Variants in FLACC1 observed in about 807,000 individuals in gnomAD.
The protein encoded by FLACC1 is flagellum associated containing coiled-coil domains 1.
Under a neutral mutation model 62.8 loss-of-function variants are expected in FLACC1, and 66 were observed. The ratio of observed to expected loss-of-function variants is 1.05; its 90% CI spans 0.86 to 1.29. FLACC1 has a LOEUF of 1.29. FLACC1 is among the 50% of genes most tolerant of loss of function. FLACC1 has a pLI of 0.00. For synonymous variants in FLACC1, 156 were observed against 161.0 expected (o/e 0.97, Z 0.24); for missense variants, 452 against 489.1 (o/e 0.92, Z 0.71).
At chr2:201,347,802 C>T (rs1391653698) in intron 4 of FLACC1, among the ~76,000 whole-genome samples, 4 of 152,238 alleles carry the variant, frequency 2.6e-5, no homozygotes, top group Non-Finnish European at 5.9e-5. Flanking sequence ...GTCGGGCCCA[C>T]ACTCCCAGGC....
rs915352107 is a variant in FLACC1 at position 201,288,677 on chromosome 2, C to T, written c.1247G>A (p.Ser416Asn). 5 of 1,613,410 alleles carry T rather than the reference C, an allele frequency of 3.1e-6. No homozygotes were observed. The highest frequency in any genetic ancestry group is 1.7e-5 in the Admixed American group (1 of 60,002). ...KDDSDTVQDG[S>N]KKGQES ...TGTTTATGATTCTTGTCCTTTCTTG[C>T]TACCATCTTGCACAGTGTCAGAATC... The change falls in exon 15 of 15, where the codon AGC becomes AAC. Residue 416 changes from serine (S) to asparagine (N), a missense_variant. Ser to Asn is a conservative substitution (Grantham distance 46). This residue lies in a region of FLACC1 where 301 missense variants were observed against 318.4 expected (regional missense o/e 0.95). Coordinates refer to ENST00000392257, the MANE Select transcript of FLACC1 (RefSeq NM_001127391.3).
At position 201,326,991 on chromosome 2, in the gene FLACC1, A is replaced by G. The variant is rs1327827978; in HGVS notation, c.675+3479T>C. On this transcript the variant is annotated intron_variant, in intron 9 of 14. Transcript: ENST00000392257. The surrounding 1 kb of genome is among the most constrained non-coding windows in gnomAD (Gnocchi z 4.1). ...AAAAGTAGGCACATAGGCCAAGGAA[A>G]CAGAACAGAAAACCCAGAAATGAAG... Among the ~76,000 whole-genome samples, 1 of 152,206 alleles carries G rather than the reference A, an allele frequency of 6.6e-6. No homozygotes were observed. Among genetic ancestry groups the G allele is most frequent in the Non-Finnish European group, 1.5e-5 (1 of 68,028 alleles).
At chr2:201,359,224 T>G (rs1190367719), upstream of FLACC1, among the ~76,000 whole-genome samples, 1 of 152,166 alleles carries the variant, frequency 6.6e-6, no homozygotes, top group Non-Finnish European at 1.5e-5. Context: ...GTGCCATTTA[T>G]TGAGATAGGA....
At chr2:201,333,545 ACCTCCCC>A (rs1950634086) in intron 7 of FLACC1, among the ~76,000 whole-genome samples, 1 of 123,194 alleles carries the variant, frequency 8.1e-6, no homozygotes, top group Non-Finnish European at 1.7e-5. Context: ...CAAATGCTAT[ACCTCCCC>A]CCTCCCCCCA....
At chr2:201,358,108 T>C (rs1951146697), upstream of FLACC1, among the ~76,000 whole-genome samples, 1 of 152,238 alleles carries the variant, frequency 6.6e-6, no homozygotes, top group South Asian at 2.1e-4. Context: ...TTCACATTTG[T>C]TGTCTACTGT....
chr2:201,309,905 C>CA (rs1161849891), intron 9 of FLACC1, among the ~76,000 whole-genome samples: 1,868 of 44,442 alleles, frequency 0.042, 112 homozygotes, highest in Non-Finnish European at 0.056. Flanking sequence ...GACTCTGTCT[C>CA]AAAAAAAAAA....
chr2:201,306,730 A>G (rs777366576), intron 11 of FLACC1, among the ~76,000 whole-genome samples: 1 of 152,250 alleles, frequency 6.6e-6, no homozygotes, highest in Non-Finnish European at 1.5e-5. Context: ...TATCATTAAT[A>G]AAATGAAGAG....
chr2:201,326,330 C>T lies in FLACC1; in HGVS notation c.675+4140G>A, dbSNP rs767446989. Reference sequence around the variant, plus strand: ...GGAAGTCCTAGCTAGAGCAATTAGACAGGAGAAAGAAATAAAGGGCGTCCA... The same window carrying T: ...GGAAGTCCTAGCTAGAGCAATTAGATAGGAGAAAGAAATAAAGGGCGTCCA... On this transcript the variant is annotated intron_variant, in intron 9 of 14. Transcript: ENST00000392257. This position sits in a 1 kb window ranked among gnomAD's most constrained non-coding sequence, Gnocchi z 4.1. 4.6e-5 allele frequency among the ~76,000 whole-genome samples: 7 copies of T among 152,096 alleles called. No homozygotes were observed. Among genetic ancestry groups the T allele is most frequent in the Non-Finnish European group, 1.0e-4 (7 of 68,010 alleles).
chr2:201,315,077 G>A (rs1405280358), intron 9 of FLACC1, among the ~76,000 whole-genome samples: 1 of 151,848 alleles, frequency 6.6e-6, no homozygotes. Flanking sequence ...CATCAAAACA[G>A]AACCTCTTTA....
chr2:201,362,974 T>C, the FLACC1 span, among the ~76,000 whole-genome samples: 1 of 152,170 alleles, frequency 6.6e-6, no homozygotes, highest in Non-Finnish European at 1.5e-5. Context: ...TCCTGTGTGA[T>C]GAGACTTGCA....
chr2:201,312,472 A>G (rs920872937), intron 9 of FLACC1, among the ~76,000 whole-genome samples: 1 of 152,240 alleles, frequency 6.6e-6, no homozygotes, highest in Admixed American at 6.5e-5. Flanking sequence ...AAGAGTCAAT[A>G]TCATTAAGAT....
chr2:201,322,928 CTT>C (rs929416449), intron 9 of FLACC1, among the ~76,000 whole-genome samples: 2 of 152,010 alleles, frequency 1.3e-5, no homozygotes, highest in Non-Finnish European at 2.9e-5. Context: ...GAAAGACACA[CTT>C]AGGGAATACA....
Position 201,357,227 on chromosome 2 carries a change from C to T in FLACC1, c.-293G>A, listed in dbSNP as rs1666308336. On this transcript the variant is annotated 5_prime_UTR_variant, in exon 1 of 15. In the 5' UTR this introduces an upstream ATG that the reference lacks. Transcript: ENST00000392257. ...GGCTTTTACAAAGGCTGGCCTGGCA[C>T]AAACATGAATTTCCCTTCTAAAGAC... The T allele has an allele frequency of 6.6e-6, 1 of 152,240 alleles. No individual in the cohort carries two copies. Among genetic ancestry groups the T allele is most frequent in the Admixed American group, 6.5e-5 (1 of 15,286 alleles). 9.4% of individuals were successfully genotyped at this position (152,240 alleles called of 1,614,324 possible).
chr2:201,306,739 A>T (rs1416110061), intron 11 of FLACC1, among the ~76,000 whole-genome samples: 1 of 152,222 alleles, frequency 6.6e-6, no homozygotes, highest in Non-Finnish European at 1.5e-5. Context: ...TAAAATGAAG[A>T]GGCAAACCAC....
intron 7 of FLACC1, among the ~76,000 whole-genome samples, chr2:201,340,487 T>A (rs907137598): frequency 6.6e-6 from 1 of 152,236 alleles, no homozygotes; most frequent in African/African-American, 2.4e-5. Flanking sequence ...CAAGTTTAGT[T>A]GCAAGCAATA....
rs1419278126 is a variant in FLACC1, at chr2:201,346,528, T to C, written c.368+14A>G. 1.2e-6 allele frequency: 2 copies of C among 1,613,092 alleles called. No individual in the cohort carries two copies. Among genetic ancestry groups the C allele is most frequent in the Admixed American group, 3.3e-5 (2 of 60,022 alleles). Reference sequence around the variant, plus strand: ...GTAGCCCCAAGCAGCTGCATGTTGCTGCAACAGCATTACCTGGAAAATCTG... The same window carrying C: ...GTAGCCCCAAGCAGCTGCATGTTGCCGCAACAGCATTACCTGGAAAATCTG... On this transcript the variant is annotated intron_variant, in intron 5 of 14. Coordinates refer to ENST00000392257, the MANE Select transcript of FLACC1 (RefSeq NM_001127391.3). The surrounding 1 kb of genome is among the most constrained non-coding windows in gnomAD (Gnocchi z 4.0).
chr2:201,360,588 C>A (rs1244341793), upstream of FLACC1, among the ~76,000 whole-genome samples: 3 of 152,194 alleles, frequency 2.0e-5, no homozygotes, highest in Non-Finnish European at 4.4e-5. Flanking sequence ...TGGCTTTCAA[C>A]ATCTGACTTT....
Position 201,346,474 on chromosome 2 carries a change from TC to T in FLACC1, c.368+67del. The T allele has an allele frequency of 1.3e-6, 2 of 1,594,552 alleles. No individual in the cohort carries two copies. The highest frequency in any genetic ancestry group is 1.7e-6 in the Non-Finnish European group (2 of 1,174,876). On this transcript the variant is annotated intron_variant, in intron 5 of 14. Coordinates refer to ENST00000392257, the MANE Select transcript of FLACC1 (RefSeq NM_001127391.3). This position sits in a 1 kb window ranked among gnomAD's most constrained non-coding sequence, Gnocchi z 4.0. ...GTGTGGGCATAGCGGCTTTGGCTTGTCCCTGAGGCCGGGCTGAGCTGGGTGG... is the reference window on the plus strand; with the variant it reads ...GTGTGGGCATAGCGGCTTTGGCTTGTCCTGAGGCCGGGCTGAGCTGGGTGG...
chr2:201,310,540 T>C (rs1950198155), intron 9 of FLACC1, among the ~76,000 whole-genome samples: 1 of 152,198 alleles, frequency 6.6e-6, no homozygotes, highest in Non-Finnish European at 1.5e-5. Context: ...AGCCATCTCT[T>C]AACTCTCTTC....
Sources: gnomAD v4.1 joint callset for allele counts (sites outside exome capture counted in the v4.1 genomes callset) on GRCh38, gnomAD v4.1.1 for gene constraint, gnomAD v4.1.1 regional missense constraint, Gnocchi (gnomAD v3.1) non-coding constraint, MANE v1.5 for transcripts, NCBI Gene and HGNC (gene_info 2026-07-23, HGNC 2026-07-21) for gene names.